The following EDARADD variants were observed in gnomAD, a reference collection of about 807,000 sequenced individuals.
EDARADD encodes the protein ectodysplasin-A receptor-associated adapter protein.
EDARADD carries 20 observed loss-of-function variants against 25.6 expected under a neutral mutation model. That is an observed-to-expected ratio of 0.78 (90% confidence interval 0.55 to 1.14). EDARADD has a LOEUF of 1.14. EDARADD is among the 50% of genes most tolerant of loss of function. The pLI, the probability that EDARADD is intolerant of heterozygous loss-of-function variation, is 0.00. For missense variants in EDARADD, 225 were observed against 270.1 expected, an observed-to-expected ratio of 0.83 and a Z score of 1.17; for synonymous variants, 86 against 94.4, an observed-to-expected ratio of 0.91 and a Z score of 0.52.
At chr1:236,428,863 C>T (rs1420572280) in intron 4 of EDARADD, among the ~76,000 whole-genome samples, 4 of 151,916 alleles carry the variant, frequency 2.6e-5, no homozygotes, top group East Asian at 1.9e-4. Context: ...ACTGAGTGAG[C>T]GAGACTCTGT....
At position 236,478,296 on chromosome 1, in the gene EDARADD, TC is replaced by T. The variant is rs562948747; in HGVS notation, c.266-3970del. ...TGAAAGGTATGCATCACATCTTCAC[TC>T]ATAATCAGGAGAGTTGGGGAAAACC... On this transcript the variant is annotated intron_variant, in intron 5 of 5. Coordinates refer to ENST00000334232, the MANE Select transcript of EDARADD (RefSeq NM_145861.4). Among the ~76,000 whole-genome samples the T allele has an allele frequency of 2.5e-3, 387 of 151,792 alleles. 4 individuals carry two copies. The highest frequency in any genetic ancestry group is 8.8e-3 in the African/African-American group (363 of 41,376).
intron 3 of EDARADD, among the ~76,000 whole-genome samples, 191 bp from the exon 4 acceptor site, chr1:236,427,200 CA>C (rs1657944092): frequency 6.6e-6 from 1 of 152,114 alleles, no homozygotes; most frequent in Non-Finnish European, 1.5e-5. Context: ...TGATAAGCAG[CA>C]TTGTTTAGCT....
intron 3 of EDARADD, among the ~76,000 whole-genome samples, chr1:236,367,169 C>T (rs1163185477): frequency 6.6e-6 from 1 of 150,758 alleles, no homozygotes; most frequent in Non-Finnish European, 1.5e-5. Flanking sequence ...TCAGGCTAGG[C>T]AATACCTCCA....
Position 236,483,712 on chromosome 1 carries a change from C to T in EDARADD, c.*1063C>T, listed in dbSNP as rs935134644. The stretch of plus-strand genomic sequence containing the variant: ...GCAGCAAACTTCAGGGAAGCCATGC[C>T]CATTGGAGCGGAGGTTTACCACAGC... On this transcript the variant is annotated 3_prime_UTR_variant, in exon 6 of 6. Transcript: ENST00000334232. 3.9e-6 allele frequency: 6 copies of T among 1,552,016 alleles called. No individual in the cohort carries two copies. Among genetic ancestry groups the T allele is most frequent in the Non-Finnish European group, 5.3e-6 (6 of 1,125,474 alleles).
At chr1:236,360,031 G>A (rs1484218050) in intron 3 of EDARADD, among the ~76,000 whole-genome samples, 1 of 152,086 alleles carries the variant, frequency 6.6e-6, no homozygotes, top group Non-Finnish European at 1.5e-5. Context: ...TTAAGACTGT[G>A]GGGCCAGGTG....
chr1:236,416,202 T>C (rs895022550), intron 3 of EDARADD, among the ~76,000 whole-genome samples: 1 of 152,196 alleles, frequency 6.6e-6, no homozygotes, highest in Non-Finnish European at 1.5e-5. Flanking sequence ...AAGGTTACCG[T>C]CCACCTCCCA....
chr1:236,389,165 G>C (rs1667391515), intron 3 of EDARADD, among the ~76,000 whole-genome samples: 1 of 152,218 alleles, frequency 6.6e-6, no homozygotes, highest in African/African-American at 2.4e-5. Context: ...GGTGCTGGGT[G>C]TGGGAGCACC....
chr1:236,435,025 A>G (rs1455127870), intron 4 of EDARADD, among the ~76,000 whole-genome samples: 4 of 152,132 alleles, frequency 2.6e-5, no homozygotes, highest in African/African-American at 7.2e-5. Flanking sequence ...AGTTTGGGGT[A>G]TGTGAGATTT....
intron 5 of EDARADD, among the ~76,000 whole-genome samples, chr1:236,476,973 T>C (rs1195749114): frequency 6.7e-6 from 1 of 148,850 alleles, no homozygotes; most frequent in Non-Finnish European, 1.5e-5. Context: ...GCCTGGGCCA[T>C]AGAGCAAGAC....
At chr1:236,423,833 C>T (rs559793182) in intron 3 of EDARADD, among the ~76,000 whole-genome samples, 4 of 152,204 alleles carry the variant, frequency 2.6e-5, no homozygotes, top group East Asian at 3.9e-4. Flanking sequence ...TGGCTAGATG[C>T]GGTGGCTCAC....
At chr1:236,436,032 G>T (rs1330577284) in intron 4 of EDARADD, among the ~76,000 whole-genome samples, 1 of 152,106 alleles carries the variant, frequency 6.6e-6, no homozygotes, top group Non-Finnish European at 1.5e-5. Flanking sequence ...AGCCAGGCAT[G>T]GTGACTCAGG....
chr1:236,362,292 A>G (rs1032237968), intron 3 of EDARADD, among the ~76,000 whole-genome samples: 1 of 152,152 alleles, frequency 6.6e-6, no homozygotes, highest in African/African-American at 2.4e-5. Flanking sequence ...GCATGTATGG[A>G]ACAACCGATG....
At chr1:236,454,403 G>A (rs761499330) in intron 4 of EDARADD, among the ~76,000 whole-genome samples, 6 of 152,044 alleles carry the variant, frequency 3.9e-5, no homozygotes, top group Admixed American at 6.6e-5. Flanking sequence ...CTCACACACC[G>A]CCTGCACCTT....
chr1:236,444,314 A>T (rs1571938398), intron 4 of EDARADD, among the ~76,000 whole-genome samples: 1 of 150,400 alleles, frequency 6.6e-6, no homozygotes, highest in Admixed American at 6.6e-5. Flanking sequence ...TTACAAAATG[A>T]CCCTATGCAG....
chr1:236,371,375 C>T (rs1253997999), intron 3 of EDARADD, among the ~76,000 whole-genome samples: 1 of 152,122 alleles, frequency 6.6e-6, no homozygotes, highest in African/African-American at 2.4e-5. Flanking sequence ...ATGTTATCTG[C>T]AAAGACAGTG....
intron 4 of EDARADD, among the ~76,000 whole-genome samples, chr1:236,443,223 C>T (rs952198306): frequency 6.6e-6 from 1 of 152,142 alleles, no homozygotes; most frequent in Admixed American, 6.6e-5. Context: ...TAAGTTGCCA[C>T]GTTTCAGATA....
intron 4 of EDARADD, among the ~76,000 whole-genome samples, chr1:236,429,193 A>AGGGAGAGGGAGCGGGAGCGGGAGC (rs201819535): frequency 1.4e-5 from 2 of 143,640 alleles, no homozygotes; most frequent in Non-Finnish European, 3.0e-5. Flanking sequence ...GCAGAGGGAG[A>AGGGAGAGGGAGCGGGAGCGGGAGC]GGGAGCGGGA....
chr1:236,414,306 A>G lies in EDARADD; in HGVS notation c.160+7A>G. 1 of 1,604,380 alleles carries G rather than the reference A, an allele frequency of 6.2e-7. No individual in the cohort carries two copies. Among genetic ancestry groups the G allele is most frequent in the Non-Finnish European group, 8.5e-7 (1 of 1,171,530 alleles). ...GATACGGAACTCCCTAAAGGTATGT[A>G]CAGTTAAAATAACTACTTGAACATG... On this transcript the variant is annotated splice_region_variant and intron_variant, in intron 3 of 5. Coordinates refer to ENST00000334232, the MANE Select transcript of EDARADD (RefSeq NM_145861.4).
At position 236,371,924 on chromosome 1, in the gene EDARADD, A is replaced by G. The variant is rs539390312; in HGVS notation, c.-6+21085A>G. On this transcript the variant is annotated intron_variant, in intron 3 of 7. Coordinates refer to the EDARADD transcript ENST00000439430. The stretch of plus-strand genomic sequence containing the variant: ...AGTTTTGCTCTATTCCTACCTTGCT[A>G]AGAGTGGTTTGTTGTTTTTTTAATT... 2.0e-5 allele frequency among the ~76,000 whole-genome samples: 3 copies of G among 151,632 alleles called. No individual in the cohort carries two copies. The East Asian group carries it at 5.9e-4, about 30-fold the overall frequency.
Sources: gnomAD v4.1 joint callset for allele counts (sites outside exome capture counted in the v4.1 genomes callset) on GRCh38, gnomAD v4.1.1 for gene constraint, MANE v1.5 for transcripts, NCBI Gene and HGNC (gene_info 2026-07-23, HGNC 2026-07-21) for gene names.